RGS6: variants seen among roughly 807,000 people sequenced by gnomAD.
RGS6 encodes the protein regulator of G-protein signaling 6.
In RGS6, 30 loss-of-function variants were observed where a neutral mutation model predicts 78.5. The observed-to-expected ratio is 0.38, with a 90% CI of 0.29 to 0.52. The LOEUF is 0.52. Ranked by LOEUF, RGS6 falls within the 20% of genes least tolerant of loss-of-function variation. The probability of loss-of-function intolerance (pLI) is 0.85; values close to 1 mark genes in which losing one functional copy is unlikely to be tolerated. For synonymous variants in RGS6, 206 were observed against 206.0 expected (o/e 1.00, Z 0.00); for missense variants, 495 against 609.7 (o/e 0.81, Z 1.98).
At chr14:72,012,478 A>T (rs2085979197) in intron 2 of RGS6, among the ~76,000 whole-genome samples, 2 of 152,236 alleles carry the variant, frequency 1.3e-5, no homozygotes, top group Non-Finnish European at 2.9e-5. Context: ...ATGAACATAT[A>T]AAAATAATTT....
intron 2 of RGS6, among the ~76,000 whole-genome samples, chr14:72,013,155 C>T (rs1307475053): frequency 3.3e-5 from 5 of 150,922 alleles, no homozygotes; most frequent in African/African-American, 1.2e-4. Context: ...CCTGTAATGC[C>T]AACTACTCGG....
chr14:72,475,485 C>T (rs2096216080), intron 10 of RGS6, among the ~76,000 whole-genome samples: 1 of 152,090 alleles, frequency 6.6e-6, no homozygotes, highest in South Asian at 2.1e-4. Flanking sequence ...AATCCCAACA[C>T]TTGGGAGGCC....
intron 13 of RGS6, among the ~76,000 whole-genome samples, chr14:72,507,573 A>G (rs1482656028): frequency 1.3e-5 from 2 of 152,154 alleles, no homozygotes; most frequent in Non-Finnish European, 2.9e-5. Context: ...CTCTGATTCT[A>G]CATCTACAGT....
chr14:72,611,335 C>A, the RGS6 span, among the ~76,000 whole-genome samples: 1 of 152,216 alleles, frequency 6.6e-6, no homozygotes, highest in South Asian at 2.1e-4. Flanking sequence ...AGAGTCTAAG[C>A]CAGCACGAAG....
intron 2 of RGS6, among the ~76,000 whole-genome samples, chr14:72,206,764 C>T (rs373117186): frequency 2.2e-4 from 34 of 152,242 alleles, no homozygotes; most frequent in Middle Eastern, 3.4e-3. Context: ...AATCATCTCC[C>T]ACTGGGTTCC....
chr14:72,219,905 T>G (rs940811246), intron 2 of RGS6, among the ~76,000 whole-genome samples: 4 of 152,142 alleles, frequency 2.6e-5, no homozygotes, highest in Non-Finnish European at 5.9e-5. Context: ...CAGACGAACA[T>G]TCCTCAGTTG....
At chr14:72,604,489 T>C in the RGS6 span, among the ~76,000 whole-genome samples, 2 of 152,206 alleles carry the variant, frequency 1.3e-5, no homozygotes, top group African/African-American at 4.8e-5. Flanking sequence ...ATGTACATGC[T>C]ATACCTCTCA....
chr14:72,151,145 A>C (rs893384005), intron 2 of RGS6, among the ~76,000 whole-genome samples: 1 of 152,210 alleles, frequency 6.6e-6, no homozygotes, highest in African/African-American at 2.4e-5. Flanking sequence ...TGTGTAACCC[A>C]AATGCCTAAC....
intron 3 of RGS6, among the ~76,000 whole-genome samples, chr14:72,412,475 T>C (rs2093491254): frequency 1.3e-5 from 2 of 152,186 alleles, no homozygotes; most frequent in South Asian, 2.1e-4. Context: ...TTATTAGTCT[T>C]GGTAGCAGTC....
chr14:72,600,634 A>T, the RGS6 span, among the ~76,000 whole-genome samples: 1 of 152,014 alleles, frequency 6.6e-6, no homozygotes, highest in African/African-American at 2.4e-5. Context: ...CCTGAAGCCC[A>T]GCCATGGTCT....
chr14:72,541,875 C>T (rs572932734), intron 17 of RGS6, among the ~76,000 whole-genome samples: 2 of 152,270 alleles, frequency 1.3e-5, no homozygotes, highest in Admixed American at 6.5e-5. Context: ...AGAATGGTCT[C>T]GCGAAGCTCT....
chr14:72,547,658 T>C (rs1567105042), intron 17 of RGS6, among the ~76,000 whole-genome samples: 2 of 152,236 alleles, frequency 1.3e-5, no homozygotes, highest in African/African-American at 2.4e-5. Flanking sequence ...AGAAAGACCC[T>C]TGGGTGTTTG....
At chr14:72,629,885 T>G in the RGS6 span, 1 of 654,320 alleles carries the variant, frequency 1.5e-6, no homozygotes, top group Non-Finnish European at 2.7e-6. Flanking sequence ...AACAGGGCCC[T>G]ACCCACATTC....
intron 3 of RGS6, among the ~76,000 whole-genome samples, chr14:72,408,709 A>G (rs1336865300): frequency 2.0e-5 from 3 of 152,230 alleles, no homozygotes; most frequent in African/African-American, 4.8e-5. Context: ...GGCACATACT[A>G]TGTTAACTGT....
chr14:72,363,819 A>G lies in RGS6; in HGVS notation c.184+11625A>G, dbSNP rs546827322. Among the ~76,000 whole-genome samples, 5 of 152,224 alleles carry G rather than the reference A, an allele frequency of 3.3e-5. No homozygotes were observed. In the East Asian group the frequency reaches 7.7e-4, roughly 23 times the overall value. ...AAAAATCTTGAAAAGATAGTCCAGT[A>G]CAAAGGGCAGTCAGTGCCTCACTCT... is the stretch of plus-strand genomic sequence containing the variant. On this transcript the variant is annotated intron_variant, in intron 3 of 17. Coordinates refer to ENST00000553525, the MANE Select transcript of RGS6 (RefSeq NM_001204424.2).
the RGS6 span, among the ~76,000 whole-genome samples, chr14:71,916,014 C>A: frequency 9.2e-5 from 14 of 152,174 alleles, no homozygotes; most frequent in African/African-American, 2.9e-4. Context: ...GATCTTGGAC[C>A]TCCACCCTCC....
At chr14:72,242,422 T>C (rs1398649948) in intron 2 of RGS6, among the ~76,000 whole-genome samples, 1 of 152,218 alleles carries the variant, frequency 6.6e-6, no homozygotes, top group Non-Finnish European at 1.5e-5. Context: ...CTGCATCTCC[T>C]GCAGCTCAAA....
At chr14:72,004,846 TAAAA>T (rs1207445799) in intron 2 of RGS6, among the ~76,000 whole-genome samples, 2 of 151,566 alleles carry the variant, frequency 1.3e-5, no homozygotes, top group Non-Finnish European at 2.9e-5. Context: ...AATAAATAAA[TAAAA>T]CAAACATAAA....
At chr14:72,583,093 C>G in the RGS6 span, among the ~76,000 whole-genome samples, 1 of 152,178 alleles carries the variant, frequency 6.6e-6, no homozygotes, top group Non-Finnish European at 1.5e-5. Context: ...ATCAGAACTC[C>G]AGGATCTCCA....
Sources: allele counts gnomAD v4.1 joint callset (sites outside exome capture counted in the v4.1 genomes callset), GRCh38; gene constraint gnomAD v4.1.1; transcripts MANE v1.5; gene names NCBI Gene and HGNC (gene_info 2026-07-23, HGNC 2026-07-21).